LRP5: variants seen among roughly 807,000 people sequenced by gnomAD.
LRP5 encodes the protein LDL receptor related protein 5.
In LRP5, 62 loss-of-function variants were observed where a neutral mutation model predicts 154.1. That is an observed-to-expected ratio of 0.40 (90% CI 0.33 to 0.50). The LOEUF (loss-of-function observed/expected upper bound fraction) is 0.50, where lower values mean the gene tolerates loss of function less well. Ranked by LOEUF, LRP5 falls within the 20% of genes least tolerant of loss-of-function variation. LRP5 has a pLI of 0.55. For synonymous variants in LRP5, 966 were observed against 1,011.5 expected, an observed-to-expected ratio of 0.96 and a Z score of 0.85; for missense variants, 1,915 against 2,336.7, an observed-to-expected ratio of 0.82 and a Z score of 3.72.
intron 1 of LRP5, among the ~76,000 whole-genome samples, chr11:68,314,357 G>A (rs1350382919): frequency 6.6e-6 from 1 of 152,140 alleles, no homozygotes; most frequent in Non-Finnish European, 1.5e-5. Flanking sequence ...TGTGTGTGAG[G>A]CAAAAATAGA....
chr11:68,412,736 C>T (rs1281371265), intron 11 of LRP5, among the ~76,000 whole-genome samples: 3 of 152,134 alleles, frequency 2.0e-5, no homozygotes, highest in Non-Finnish European at 2.9e-5. Flanking sequence ...GAGAGGGTCA[C>T]CTGGGCAGCC....
intron 15 of LRP5, 86 bp downstream of exon 15, chr11:68,425,378 G>C (rs2098668173): frequency 7.1e-7 from 1 of 1,403,956 alleles, no homozygotes. Flanking sequence ...TCCGAGACCT[G>C]CCGTGAGCCC....
chr11:68,299,875 G>C, the LRP5 span, among the ~76,000 whole-genome samples: 1 of 148,252 alleles, frequency 6.7e-6, no homozygotes, highest in East Asian at 1.9e-4. Context: ...GAGCCATCGC[G>C]CTCCGCCTTT....
In LRP5 at chr11:68,378,763, C is replaced by T. The variant is rs144681297; in HGVS notation, c.1016-7553C>T. ...ATCAAAATCGACTTTTAGGGTCAGG[C>T]GCGGTGGCTCACACCTGTAATCCCA... On this transcript the variant is annotated intron_variant, in intron 5 of 22. Coordinates refer to ENST00000294304, the MANE Select transcript of LRP5 (RefSeq NM_002335.4). Among the ~76,000 whole-genome samples, 888 of 152,172 alleles carry T rather than the reference C, an allele frequency of 5.8e-3. 6 individuals carry two copies. Among genetic ancestry groups the T allele is most frequent in the Non-Finnish European group, 0.01 (710 of 68,008 alleles).
intron 8 of LRP5, among the ~76,000 whole-genome samples, chr11:68,405,056 G>C (rs1207602791): frequency 6.6e-6 from 1 of 151,954 alleles, no homozygotes; most frequent in Non-Finnish European, 1.5e-5. Context: ...CTACTCGAGA[G>C]GCTGAGGCGG....
At chr11:68,373,531 A>G (rs959842711) in intron 5 of LRP5, among the ~76,000 whole-genome samples, 29 of 152,066 alleles carry the variant, frequency 1.9e-4, no homozygotes, top group Non-Finnish European at 3.5e-4. Context: ...GGGCAGGTAT[A>G]TCCCACGAGC....
At chr11:68,377,909 AAAG>A (rs2098638238) in intron 5 of LRP5, among the ~76,000 whole-genome samples, 1 of 152,150 alleles carries the variant, frequency 6.6e-6, no homozygotes, top group Admixed American at 6.5e-5. Context: ...ACCCGTGTGA[AAAG>A]AAGCCAGGAG....
intron 2 of LRP5, among the ~76,000 whole-genome samples, chr11:68,356,168 G>A (rs1565341465): frequency 6.7e-6 from 1 of 148,454 alleles, no homozygotes; most frequent in African/African-American, 2.5e-5. Flanking sequence ...TTTAGGCAGG[G>A]TCTCACTCTG....
intron 1 of LRP5, among the ~76,000 whole-genome samples, chr11:68,322,018 G>T (rs745773094): frequency 6.6e-6 from 1 of 152,208 alleles, no homozygotes; most frequent in African/African-American, 2.4e-5. Flanking sequence ...CTCACTGTAC[G>T]AGATAGTTTT....
At chr11:68,399,669 C>T (rs1008479353) in intron 7 of LRP5, among the ~76,000 whole-genome samples, 4 of 152,318 alleles carry the variant, frequency 2.6e-5, no homozygotes, top group South Asian at 2.1e-4. Context: ...TGTCCCCTGA[C>T]GCCCAGAGGC....
At chr11:68,365,951 ACT>A (rs1054217280) in intron 5 of LRP5, among the ~76,000 whole-genome samples, 10 of 150,264 alleles carry the variant, frequency 6.7e-5, no homozygotes, top group Admixed American at 4.6e-4. Context: ...CCACTTTTTT[ACT>A]CTCCGCCTTG....
intron 1 of LRP5, among the ~76,000 whole-genome samples, chr11:68,331,076 A>C (rs1000492259): frequency 2.0e-5 from 3 of 152,244 alleles, no homozygotes; most frequent in Admixed American, 6.5e-5. Context: ...GAGAAAGTGA[A>C]CTAGGCTTCC....
chr11:68,312,798 C>G lies in LRP5; in HGVS notation c.84C>G (p.Pro28=), dbSNP rs1213501441. The G allele has an allele frequency of 7.4e-6, 8 of 1,076,738 alleles. No individual in the cohort carries two copies. Among genetic ancestry groups the G allele is most frequent in the Non-Finnish European group, 7.9e-6 (7 of 885,446 alleles). The allele number at this position is 1,076,738 out of a possible 1,614,324, so 66.7% of individuals were successfully genotyped here. ...TGGCGCTGTGCGGCTGCCCGGCCCCCGCCGCGGGTAGGTGGGCGCAGGCCG... is the reference window on the plus strand; with the variant it reads ...TGGCGCTGTGCGGCTGCCCGGCCCCGGCCGCGGGTAGGTGGGCGCAGGCCG... ...LLLALCGCPA[P]AAASPLLLFA... The change falls in exon 1 of 23, where the codon CCC becomes CCG. Residue 28 remains proline, a synonymous_variant. Coordinates refer to ENST00000294304, the MANE Select transcript of LRP5 (RefSeq NM_002335.4).
At chr11:68,344,740 C>G (rs978532876) in intron 1 of LRP5, among the ~76,000 whole-genome samples, 1 of 151,822 alleles carries the variant, frequency 6.6e-6, no homozygotes, top group African/African-American at 2.4e-5. Flanking sequence ...CCGTAAGTAC[C>G]TCATATAAAT....
intron 1 of LRP5, among the ~76,000 whole-genome samples, chr11:68,343,985 G>C (rs969838896): frequency 6.6e-6 from 1 of 152,136 alleles, no homozygotes; most frequent in Admixed American, 6.5e-5. Context: ...CTGCAGGCTG[G>C]GTGGTGCAGG....
intron 21 of LRP5, chr11:68,445,797 T>C (rs887549966): frequency 3.3e-5 from 19 of 584,018 alleles, no homozygotes; most frequent in African/African-American, 2.5e-4. Flanking sequence ...GGTGAATTTG[T>C]CTATTTACTA....
At chr11:68,308,429 G>A (rs2153108998), upstream of LRP5, among the ~76,000 whole-genome samples, 1 of 152,330 alleles carries the variant, frequency 6.6e-6, no homozygotes, top group South Asian at 2.1e-4. Context: ...ACTTCATTGG[G>A]ATGGACTTGC....
At chr11:68,302,061 A>G in the LRP5 span, among the ~76,000 whole-genome samples, 6 of 151,652 alleles carry the variant, frequency 4.0e-5, no homozygotes, top group African/African-American at 1.5e-4. Flanking sequence ...GCATGGTTTA[A>G]GACTTGTGAG....
chr11:68,437,923 G>A (rs796095092), intron 19 of LRP5, among the ~76,000 whole-genome samples: 5 of 152,352 alleles, frequency 3.3e-5, no homozygotes, highest in African/African-American at 9.6e-5. Flanking sequence ...CCTCAGGATC[G>A]CTGGGCCGGC....
Sources: allele counts gnomAD v4.1 joint callset (sites outside exome capture counted in the v4.1 genomes callset), GRCh38; gene constraint gnomAD v4.1.1; transcripts MANE v1.5; gene names NCBI Gene and HGNC (gene_info 2026-07-23, HGNC 2026-07-21).